Variants in PDE4D observed in about 807,000 individuals in gnomAD.
PDE4D encodes 3',5'-cyclic-AMP phosphodiesterase 4D.
Under a neutral mutation model 87.4 loss-of-function variants are expected in PDE4D, and 24 were observed. That is an observed-to-expected ratio of 0.27 (90% CI 0.20 to 0.39). The LOEUF (loss-of-function observed/expected upper bound fraction) is 0.39, where lower values mean the gene tolerates loss of function less well. Ranked by LOEUF, PDE4D falls within the 10% of genes least tolerant of loss-of-function variation. The pLI, the probability that PDE4D is intolerant of heterozygous loss-of-function variation, is 1.00. For synonymous variants in PDE4D, 384 were observed against 383.2 expected (o/e 1.00, Z -0.02); for missense variants, 714 against 1,041.0 (o/e 0.69, Z 4.32).
intron 1 of PDE4D, among the ~76,000 whole-genome samples, chr5:60,364,090 T>C (rs1760317174): frequency 6.6e-6 from 1 of 152,196 alleles, no homozygotes; most frequent in South Asian, 2.1e-4. Context: ...AACTTCTCAA[T>C]ATTCATAATA....
intron 1 of PDE4D, among the ~76,000 whole-genome samples, chr5:59,762,363 TG>T (rs895137642): frequency 7.7e-6 from 1 of 129,670 alleles, no homozygotes; most frequent in African/African-American, 3.2e-5. Context: ...TATGTGTATA[TG>T]GGTACACATG....
chr5:60,337,965 G>T (rs1395600548), intron 1 of PDE4D, among the ~76,000 whole-genome samples: 2 of 152,046 alleles, frequency 1.3e-5, no homozygotes, highest in African/African-American at 4.8e-5. Flanking sequence ...TCTGTATAAT[G>T]GGCAATTATA....
intron 2 of PDE4D, among the ~76,000 whole-genome samples, chr5:60,118,561 T>TCGTGTA (rs150441384): frequency 6.9e-6 from 1 of 144,210 alleles, no homozygotes; most frequent in African/African-American, 2.6e-5. Context: ...TGGATGTAGG[T>TCGTGTA]TGTGTGTGTG....
chr5:59,313,671 A>G (rs1561937997), intron 1 of PDE4D, among the ~76,000 whole-genome samples: 1 of 152,196 alleles, frequency 6.6e-6, no homozygotes, highest in African/African-American at 2.4e-5. Context: ...GGTACAAAGT[A>G]TCCAAATCCA....
chr5:59,497,339 C>T (rs911678898), intron 1 of PDE4D, among the ~76,000 whole-genome samples: 4 of 152,050 alleles, frequency 2.6e-5, no homozygotes, highest in African/African-American at 9.7e-5. Context: ...TGAACCCTAA[C>T]CAGAATGAAA....
chr5:59,840,057 A>G (rs1273844815), intron 1 of PDE4D, among the ~76,000 whole-genome samples: 1 of 151,774 alleles, frequency 6.6e-6, no homozygotes, highest in East Asian at 1.9e-4. Flanking sequence ...TCCCCCTCTG[A>G]GCATCTTTTT....
intron 1 of PDE4D, among the ~76,000 whole-genome samples, chr5:59,561,924 C>T (rs1373419203): frequency 9.6e-6 from 1 of 104,328 alleles, no homozygotes; most frequent in Admixed American, 1.1e-4. Flanking sequence ...AAGAGTGAAA[C>T]GCTGTCAAAA....
chr5:59,491,235 A>G (rs1461663386), intron 1 of PDE4D, among the ~76,000 whole-genome samples: 1 of 152,250 alleles, frequency 6.6e-6, no homozygotes, highest in Non-Finnish European at 1.5e-5. Context: ...GAGTAAGTAA[A>G]TAACATAAAG....
At chr5:59,891,567 A>C (rs181030317) in intron 1 of PDE4D, among the ~76,000 whole-genome samples, 120 of 152,310 alleles carry the variant, frequency 7.9e-4, no homozygotes, top group African/African-American at 2.8e-3. Context: ...ATATTAATTT[A>C]TGGAAGTCTG....
chr5:60,425,036 A>G (rs962192667), intron 1 of PDE4D, among the ~76,000 whole-genome samples: 7 of 152,180 alleles, frequency 4.6e-5, no homozygotes, highest in African/African-American at 1.7e-4. Context: ...ATAAAAGAGG[A>G]CACAAACAAA....
chr5:59,295,699 G>A (rs933406667), intron 1 of PDE4D, among the ~76,000 whole-genome samples: 2 of 152,172 alleles, frequency 1.3e-5, no homozygotes, highest in South Asian at 4.2e-4. Flanking sequence ...GTAAGCAACC[G>A]TCATGTGAAT....
intron 1 of PDE4D, among the ~76,000 whole-genome samples, chr5:59,303,714 A>G (rs962169906): frequency 2.0e-5 from 3 of 152,056 alleles, no homozygotes; most frequent in Non-Finnish European, 4.4e-5. Flanking sequence ...ATTTGGGTTT[A>G]TCTCCGGGTT....
At chr5:59,561,659 G>A (rs553161222) in intron 1 of PDE4D, among the ~76,000 whole-genome samples, 174 of 152,266 alleles carry the variant, frequency 1.1e-3, no homozygotes, top group Non-Finnish European at 2.1e-3. Flanking sequence ...ACCAGGCATG[G>A]TGGCTCACGC....
chr5:58,977,928 G>A (rs1386248623), intron 11 of PDE4D, among the ~76,000 whole-genome samples: 1 of 151,998 alleles, frequency 6.6e-6, no homozygotes, highest in African/African-American at 2.4e-5. Context: ...TACTGTACAG[G>A]GATATTGCTC....
At chr5:59,327,268 T>G (rs80103864) in intron 1 of PDE4D, among the ~76,000 whole-genome samples, 9,268 of 152,024 alleles carry the variant, frequency 0.061, 941 homozygotes, top group African/African-American at 0.21. Flanking sequence ...CTGAATGGTC[T>G]CTGGATCTGG....
chr5:59,375,468 C>T (rs1192260589), intron 1 of PDE4D, among the ~76,000 whole-genome samples: 1 of 152,150 alleles, frequency 6.6e-6, no homozygotes. Flanking sequence ...GACATACATA[C>T]TCTCCCAAGA....
chr5:60,464,144 AAGC>A (rs548543644), intron 1 of PDE4D, among the ~76,000 whole-genome samples: 79 of 152,278 alleles, frequency 5.2e-4, no homozygotes, highest in Non-Finnish European at 8.5e-4. Flanking sequence ...TGTCTCCAGG[AAGC>A]CATGTAATTT....
intron 1 of PDE4D, among the ~76,000 whole-genome samples, chr5:60,361,057 C>T (rs1250970642): frequency 6.6e-6 from 1 of 152,176 alleles, no homozygotes; most frequent in African/African-American, 2.4e-5. Flanking sequence ...AGTGAGTAAG[C>T]CTCAATAAGA....
At chr5:59,493,555 G>A (rs1176282977) in intron 1 of PDE4D, among the ~76,000 whole-genome samples, 1 of 152,154 alleles carries the variant, frequency 6.6e-6, no homozygotes, top group African/African-American at 2.4e-5. Context: ...AAGTTAAACT[G>A]CCTATTAAAT....
Sources: allele counts gnomAD v4.1 joint callset (sites outside exome capture counted in the v4.1 genomes callset), GRCh38; gene constraint gnomAD v4.1.1; transcripts MANE v1.5; gene names NCBI Gene and HGNC (gene_info 2026-07-23, HGNC 2026-07-21).